The following ITCH variants were observed in gnomAD, a reference collection of about 807,000 sequenced individuals.
ITCH encodes the protein itchy E3 ubiquitin protein ligase.
Under a neutral mutation model 126.8 loss-of-function variants are expected in ITCH, and 28 were observed. The ratio of observed to expected loss-of-function variants is 0.22; its 90% CI spans 0.16 to 0.30. The LOEUF is 0.30. Among genes scored for constraint, ITCH ranks in the 10% least tolerant of loss-of-function variants. The pLI is 1.00. For missense variants in ITCH, 631 were observed against 1,032.4 expected, an observed-to-expected ratio of 0.61 and a Z score of 5.33; for synonymous variants, 342 against 340.0, an observed-to-expected ratio of 1.01 and a Z score of -0.06.
rs200723711 is a variant in ITCH, at chr20:34,479,607, C to T, written c.1659-23C>T. On this transcript the variant is annotated intron_variant, in intron 17 of 24. Coordinates refer to ENST00000374864, the MANE Select transcript of ITCH (RefSeq NM_031483.7). ...CTTGGTAACCTACAAGATTTTTCATCGTAAATTTTCTTTTGATTTCAGAGA... is the reference window on the plus strand; with the variant it reads ...CTTGGTAACCTACAAGATTTTTCATTGTAAATTTTCTTTTGATTTCAGAGA... 5.8e-5 allele frequency: 93 copies of T among 1,608,528 alleles called. No homozygotes were observed. In the Middle Eastern group the frequency reaches 6.6e-4, roughly 11 times the overall value.
chr20:34,379,414 A>G (rs2037966595), intron 2 of ITCH, among the ~76,000 whole-genome samples: 1 of 152,108 alleles, frequency 6.6e-6, no homozygotes, highest in Non-Finnish European at 1.5e-5. Flanking sequence ...TTATGTGACC[A>G]TTACCACTAT....
At chr20:34,504,531 A>G in intron 24 of ITCH, 128 bp downstream of exon 24, 1 of 702,826 alleles carries the variant, frequency 1.4e-6, no homozygotes, top group Non-Finnish European at 2.6e-6. Flanking sequence ...ATAGCAATCC[A>G]GTTTAAGAGC....
At chr20:34,492,083 C>T (rs1409365325) in intron 22 of ITCH, among the ~76,000 whole-genome samples, 1 of 152,158 alleles carries the variant, frequency 6.6e-6, no homozygotes, top group Non-Finnish European at 1.5e-5. Context: ...AGCTCTTGGT[C>T]TCAGTCCATC....
chr20:34,426,180 A>G (rs369841011), intron 7 of ITCH, among the ~76,000 whole-genome samples: 1 of 152,262 alleles, frequency 6.6e-6, no homozygotes, highest in African/African-American at 2.4e-5. Context: ...TTTTTCTCAA[A>G]TTGCATAAGC....
chr20:34,402,048 C>CA (rs2038905959), intron 3 of ITCH: 5 of 662,130 alleles, frequency 7.6e-6, no homozygotes, highest in Non-Finnish European at 1.1e-5. Flanking sequence ...GTCATTATGG[C>CA]AAAAACGAAT....
chr20:34,469,998 A>T, intron 14 of ITCH, 50 bp from the exon 15 acceptor site: 1 of 1,462,436 alleles, frequency 6.8e-7, no homozygotes, highest in Non-Finnish European at 9.6e-7. Context: ...CTTCAGCATT[A>T]TCTTTTACAA....
intron 6 of ITCH, among the ~76,000 whole-genome samples, chr20:34,416,231 T>G (rs1979828203): frequency 6.6e-6 from 1 of 151,770 alleles, no homozygotes; most frequent in African/African-American, 2.4e-5. Flanking sequence ...AAACCTCGTC[T>G]CTACTAAAAA....
intron 10 of ITCH, among the ~76,000 whole-genome samples, chr20:34,442,712 G>A (rs761529861): frequency 2.0e-5 from 3 of 149,282 alleles, no homozygotes; most frequent in Admixed American, 6.7e-5. Flanking sequence ...AGTGGCTCAC[G>A]CCTGTAATCC....
chr20:34,459,402 C>G (rs1455798572), intron 13 of ITCH, among the ~76,000 whole-genome samples: 3 of 152,130 alleles, frequency 2.0e-5, no homozygotes, highest in African/African-American at 7.2e-5. Flanking sequence ...CCAGTCCTTA[C>G]TGGAGATTTG....
intron 13 of ITCH, among the ~76,000 whole-genome samples, chr20:34,459,788 A>G (rs1986341974): frequency 6.6e-6 from 1 of 152,232 alleles, no homozygotes; most frequent in Non-Finnish European, 1.5e-5. Flanking sequence ...AACTTAAAAT[A>G]GTTTTTTCTG....
chr20:34,425,986 C>G (rs1454761257), intron 7 of ITCH, among the ~76,000 whole-genome samples: 1 of 152,198 alleles, frequency 6.6e-6, no homozygotes, highest in African/African-American at 2.4e-5. Flanking sequence ...GGGGCAGGCC[C>G]CCTTCATCTA....
chr20:34,465,172 T>C (rs957886582), intron 14 of ITCH, among the ~76,000 whole-genome samples: 6 of 152,262 alleles, frequency 3.9e-5, no homozygotes, highest in Admixed American at 3.9e-4. Context: ...CCCCATTGCA[T>C]GACTGTGGCA....
intron 2 of ITCH, among the ~76,000 whole-genome samples, chr20:34,379,911 T>C (rs1379141072): frequency 7.2e-6 from 1 of 137,948 alleles, no homozygotes; most frequent in Non-Finnish European, 1.6e-5. Context: ...CCCCCCTTTT[T>C]TTTTGAGACA....
chr20:34,430,448 T>A (rs556627483), intron 7 of ITCH, among the ~76,000 whole-genome samples: 1 of 152,214 alleles, frequency 6.6e-6, no homozygotes, highest in South Asian at 2.1e-4. Flanking sequence ...AGGAAAGGAA[T>A]GTCTTTTAAA....
intron 14 of ITCH, among the ~76,000 whole-genome samples, chr20:34,468,528 C>T (rs1325740345): frequency 1.3e-5 from 2 of 151,890 alleles, no homozygotes; most frequent in Non-Finnish European, 2.9e-5. Flanking sequence ...TGGTGGCTCA[C>T]GCCTGTAATC....
chr20:34,494,557 T>G (rs1002256539), intron 23 of ITCH, among the ~76,000 whole-genome samples: 1 of 152,230 alleles, frequency 6.6e-6, no homozygotes, highest in Non-Finnish European at 1.5e-5. Context: ...TTTTGATACA[T>G]GTATACAATA....
At chr20:34,414,623 C>T (rs539855298) in intron 6 of ITCH, among the ~76,000 whole-genome samples, 7 of 152,132 alleles carry the variant, frequency 4.6e-5, no homozygotes, top group African/African-American at 7.2e-5. Flanking sequence ...TGCGCCACCA[C>T]GCCCAGCTAA....
chr20:34,474,804 C>T (rs1439627677), intron 16 of ITCH, among the ~76,000 whole-genome samples: 1 of 151,276 alleles, frequency 6.6e-6, no homozygotes, highest in East Asian at 2.0e-4. Context: ...CTGACCCCCC[C>T]ACCTCCCTCC....
At chr20:34,466,336 T>C (rs370185782) in intron 14 of ITCH, 13 of 529,088 alleles carry the variant, frequency 2.5e-5, no homozygotes, top group Non-Finnish European at 4.6e-5. Flanking sequence ...TTTTTTTTAG[T>C]ATTTTTCCAT....
Sources: gnomAD v4.1 joint callset for allele counts (sites outside exome capture counted in the v4.1 genomes callset) on GRCh38, gnomAD v4.1.1 for gene constraint, MANE v1.5 for transcripts, NCBI Gene and HGNC (gene_info 2026-07-23, HGNC 2026-07-21) for gene names.